The following SON variants were observed in gnomAD, a reference collection of about 807,000 sequenced individuals.
SON encodes the protein SON DNA and RNA binding protein.
SON carries 4 observed loss-of-function variants against 173.3 expected under a neutral mutation model. The observed-to-expected ratio is 0.02, with a 90% confidence interval of 0.01 to 0.05. The LOEUF is 0.05. Ranked by LOEUF, SON falls within the 10% of genes least tolerant of loss-of-function variation. SON has a pLI of 1.00. For missense variants in SON, 2,626 were observed against 3,055.3 expected (o/e 0.86, Z 3.31); for synonymous variants, 1,190 against 1,105.9 (o/e 1.08, Z -1.51).
chr21:33,553,721 C>T lies in SON; in HGVS notation c.4490C>T (p.Ala1497Val). The change falls in exon 3 of 12, where the codon GCT (alanine) becomes GTT (valine). Residue 1497 changes from alanine (A) to valine (V), a missense_variant. Physicochemically the swap from Ala to Val is moderately conservative, Grantham distance 64. Around this residue, in one of 13 missense-constraint regions of SON, gnomAD observed 1,006 missense variants for 895.6 expected, o/e 1.12. Coordinates refer to ENST00000356577, the MANE Select transcript of SON (RefSeq NM_138927.4). Reference sequence around the variant, plus strand: ...CTATCCTCTGGTGATCAAAATCTTGCTCCAGAGATTGGCATGCAGGAGATT... The same window carrying T: ...CTATCCTCTGGTGATCAAAATCTTGTTCCAGAGATTGGCATGCAGGAGATT... ...INLSSGDQNL[A>V]PEIGMQEIAL... is the part of the protein sequence containing the mutation. The T allele has an allele frequency of 2.5e-6, 4 of 1,613,960 alleles. No homozygotes were observed. Among genetic ancestry groups the T allele is most frequent in the Middle Eastern group, 1.6e-4 (1 of 6,062 alleles).
At chr21:33,567,998 C>T (rs2086207573) in intron 7 of SON, among the ~76,000 whole-genome samples, 1 of 152,186 alleles carries the variant, frequency 6.6e-6, no homozygotes, top group South Asian at 2.1e-4. Flanking sequence ...CAATCTGAAT[C>T]TGGAGTCTGT....
intron 6 of SON, among the ~76,000 whole-genome samples, chr21:33,562,361 A>T (rs1402663104): frequency 1.3e-5 from 2 of 152,200 alleles, no homozygotes; most frequent in Non-Finnish European, 2.9e-5. Context: ...CAACCTTTGA[A>T]CTGAATAGTA....
At position 33,573,166 on chromosome 21, in the gene SON, A is replaced by G. The variant is rs939541560; in HGVS notation, c.6886-142A>G. 1.3e-5 allele frequency: 8 copies of G among 639,100 alleles called. No individual in the cohort carries two copies. The Admixed American group carries it at 2.1e-4, about 17-fold the overall frequency. The allele number at this position is 639,100 out of a possible 1,614,324, so 39.6% of individuals were successfully genotyped here. ...AGAACATACACACTACAGTATGTATAAAGTATAGAGGAATTTACATTTAAT... is the reference window on the plus strand; with the variant it reads ...AGAACATACACACTACAGTATGTATGAAGTATAGAGGAATTTACATTTAAT... On this transcript the variant is annotated intron_variant, in intron 8 of 11. Coordinates refer to ENST00000356577, the MANE Select transcript of SON (RefSeq NM_138927.4).
At chr21:33,571,662 A>T (rs2086287932) in intron 8 of SON, 1 of 152,658 alleles carries the variant, frequency 6.6e-6, no homozygotes, top group Non-Finnish European at 1.5e-5. Flanking sequence ...AAAGAAACAG[A>T]TGATGATACT....
chr21:33,552,748 C>A lies in SON; in HGVS notation c.3517C>A (p.Pro1173Thr), dbSNP rs570700083. The change falls in exon 3 of 12, where the codon CCT becomes ACT. Residue 1173 changes from proline (P) to threonine (T), a missense_variant. By Grantham distance (38) the Pro-to-Thr change is conservative. Coordinates refer to ENST00000356577, the MANE Select transcript of SON (RefSeq NM_138927.4). The surrounding 1 kb of genome is among the most constrained non-coding windows in gnomAD (Gnocchi z 5.6). ...GCCACCAATGACACCACCATTGCCT[C>A]CTGAGGAACCACCAGAGGGTCCAGC... ...EEPPMTPPLP[P>T]EEPPEGPALP... 1.2e-6 allele frequency: 2 copies of A among 1,613,952 alleles called. No homozygotes were observed. The highest frequency in any genetic ancestry group is 2.7e-5 in the African/African-American group (2 of 75,034).
At chr21:33,557,012 CCTTTTTTTTTTT>C in intron 3 of SON, 132 bp from the exon 4 acceptor site, 1 of 659,556 alleles carries the variant, frequency 1.5e-6, no homozygotes, top group Non-Finnish European at 2.3e-6. Context: ...ATAGTTTTTT[CCTTTTTTTTTTT>C]CTTTTTTGTT....
chr21:33,573,243 C>T, intron 8 of SON, 65 bp from the exon 9 acceptor site: 1 of 1,330,036 alleles, frequency 7.5e-7, no homozygotes, highest in Non-Finnish European at 1.1e-6. Context: ...AGAAAGTAAA[C>T]AATGAATCTG....
chr21:33,567,186 A>G lies in SON; in HGVS notation c.6687A>G (p.Glu2229=). ...TGGACATCTCTACAGCAATGAGTGA[A>G]CGGGCACTTGCTCAGAAAAGACTCA... is the stretch of plus-strand genomic sequence containing the variant. ...EPVDISTAMS[E]RALAQKRLSE... The change falls in exon 7 of 12, where the codon GAA becomes GAG. Residue 2229 remains glutamate, a synonymous_variant. Coordinates refer to ENST00000356577, the MANE Select transcript of SON (RefSeq NM_138927.4). 3.1e-6 allele frequency: 5 copies of G among 1,609,662 alleles called. No homozygotes were observed. The highest frequency in any genetic ancestry group is 4.3e-6 in the Non-Finnish European group (5 of 1,176,348).
At chr21:33,558,748 T>C (rs1489719324) in intron 4 of SON, 4 of 152,344 alleles carry the variant, frequency 2.6e-5, no homozygotes, top group Admixed American at 2.6e-4. Context: ...GGCTTAGAAC[T>C]CTTCAAGGAA....
At position 33,551,149 on chromosome 21, in the gene SON, G is replaced by C; in HGVS notation, c.1918G>C (p.Glu640Gln). 1 of 1,613,624 alleles carries C rather than the reference G, an allele frequency of 6.2e-7. No individual in the cohort carries two copies. Among genetic ancestry groups the C allele is most frequent in the Non-Finnish European group, 8.5e-7 (1 of 1,179,634 alleles). Residue 640 changes from glutamate (E) to glutamine (Q), a missense_variant, in exon 3 of 12, where the codon GAG (glutamate) becomes CAG (glutamine). Glu to Gln is a conservative substitution (Grantham distance 29, BLOSUM62 2). Coordinates refer to ENST00000356577, the MANE Select transcript of SON (RefSeq NM_138927.4). ...GTTGCCAGGGCAGCCTGGGGCGCCA[G>C]AGTTGCCTGGGCAGCCTGTGGCAAC... ...LELPGQPGAP[E>Q]LPGQPVATVA...
rs1380434882 is a variant in SON, at chr21:33,577,186, A to AG, written c.*764dup. The AG allele has an allele frequency of 4.1e-3, 2 of 482 alleles. No individual in the cohort carries two copies. The highest frequency in any genetic ancestry group is 7.9e-3 in the Non-Finnish European group (2 of 252). 0.0% of individuals were successfully genotyped at this position (482 alleles called of 1,614,324 possible). A position where few individuals can be genotyped will look rare whatever the true frequency, so the allele number is the denominator to read the frequency against. On this transcript the variant is annotated 3_prime_UTR_variant, in exon 12 of 12. Transcript: ENST00000356577. ...AAGTCTGACTAGAATTCTATTGCAG[A>AG]GGCCAGTACATTTAGTATGGCATTG...
rs779849896 is a variant in SON at position 33,553,240 on chromosome 21, C to T, written c.4009C>T (p.Pro1337Ser). The T allele has an allele frequency of 1.2e-6, 2 of 1,614,160 alleles. No homozygotes were observed. Among genetic ancestry groups the T allele is most frequent in the Non-Finnish European group, 1.7e-6 (2 of 1,180,026 alleles). Residue 1337 changes from proline (P) to serine (S), a missense_variant, in exon 3 of 12, where the codon CCA (proline) becomes TCA (serine). Transcript: ENST00000356577. ...TSLLVPAVTT[P>S]VLAESILEPP... ...CTTGTTGGTTCCAGCAGTAACTACT[C>T]CAGTGCTGGCAGAGAGCATTCTGGA...
Position 33,551,564 on chromosome 21 carries a change from C to G in SON, c.2333C>G (p.Thr778Ser). Residue 778 changes from threonine (T) to serine (S), a missense_variant, in exon 3 of 12, where the codon ACT (threonine) becomes AGT (serine). This residue lies in a region of SON where 182 missense variants were observed against 193.6 expected (regional missense o/e 0.94). Transcript: ENST00000356577. ...TCCATGGACTCCCAGATGTTAGCAA[C>G]TAGCTCCATGGACTCCCAGATGTTA... The part of the protein sequence containing the change: ...TSSMDSQMLA[T>S]SSMDSQMLAT... 1.2e-6 allele frequency: 2 copies of G among 1,613,842 alleles called. No homozygotes were observed. Among genetic ancestry groups the G allele is most frequent in the Non-Finnish European group, 1.7e-6 (2 of 1,179,990 alleles).
Position 33,569,978 on chromosome 21 carries a change from C to T in SON, c.6885+891C>T, listed in dbSNP as rs2086249398. 1.9e-5 allele frequency: 3 copies of T among 156,222 alleles called. No homozygotes were observed. The South Asian group carries it at 5.3e-4, about 27-fold the overall frequency. The allele number at this position is 156,222 out of a possible 1,614,324, so 9.7% of individuals were successfully genotyped here. ...TCTGCAGTGAGACCTGTGAACTCCA[C>T]CTACGGCTGCCTCATCATTGGGGGA... is the stretch of plus-strand genomic sequence containing the variant. On this transcript the variant is annotated intron_variant, in intron 8 of 11. Coordinates refer to ENST00000356577, the MANE Select transcript of SON (RefSeq NM_138927.4).
In SON at chr21:33,549,607, GA is replaced by G. The variant is rs778418096; in HGVS notation, c.384del (p.Lys128AsnfsTer21). ...AAAGAAGAAAAAGAAGAAAGAAAAG[GA>G]AAAAAAATATAAAAGACAGCCAGAA... The part of the protein sequence containing the change: ...NKKKKKKKEK[E>X]KKYKRQPEES... On this transcript the variant is annotated frameshift_variant, in exon 3 of 12. Transcript: ENST00000356577. LOFTEE classifies it high-confidence loss of function. 13 of 1,594,176 alleles carry G rather than the reference GA, an allele frequency of 8.2e-6. No homozygotes were observed. Among genetic ancestry groups the G allele is most frequent in the South Asian group, 2.3e-5 (2 of 85,632 alleles).
At chr21:33,556,787 G>A (rs2085975851) in intron 3 of SON, among the ~76,000 whole-genome samples, 1 of 151,816 alleles carries the variant, frequency 6.6e-6, no homozygotes. Flanking sequence ...GGAGAGTAAG[G>A]TCATGATAAT....
At position 33,550,762 on chromosome 21, in the gene SON, A is replaced by C; in HGVS notation, c.1531A>C (p.Thr511Pro). 1 of 1,614,160 alleles carries C rather than the reference A, an allele frequency of 6.2e-7. No homozygotes were observed. The highest frequency in any genetic ancestry group is 8.5e-7 in the Non-Finnish European group (1 of 1,180,030). The change falls in exon 3 of 12, where the codon ACA (threonine) becomes CCA (proline). Residue 511 changes from threonine to proline, a missense_variant. Thr to Pro is a conservative substitution (Grantham distance 38). Transcript: ENST00000356577. ...MELTEQPVTT[T>P]ELEQPVGMTT... ...GTTGACCGAACAACCTGTGACGACGACAGAGTTGGAGCAGCCTGTGGGGAT... is the reference window on the plus strand; with the variant it reads ...GTTGACCGAACAACCTGTGACGACGCCAGAGTTGGAGCAGCCTGTGGGGAT...
At position 33,550,283 on chromosome 21, in the gene SON, C is replaced by G. The variant is rs760410035; in HGVS notation, c.1052C>G (p.Ala351Gly). ...EQPVDVPSEI[A>G]DSSMTRPQEL... ...CCTGTAGACGTACCATCGGAGATTG[C>G]AGATTCATCCATGACAAGACCGCAG... The change falls in exon 3 of 12, where the codon GCA becomes GGA. Residue 351 changes from alanine to glycine, a missense_variant. Physicochemically the swap from Ala to Gly is moderately conservative, Grantham distance 60 (BLOSUM62 0). Coordinates refer to ENST00000356577, the MANE Select transcript of SON (RefSeq NM_138927.4). 2.0e-5 allele frequency: 33 copies of G among 1,613,876 alleles called. No individual in the cohort carries two copies. The highest frequency in any genetic ancestry group is 1.3e-4 in the African/African-American group (10 of 74,854).
Position 33,554,266 on chromosome 21 carries a change from A to G in SON, c.5035A>G (p.Thr1679Ala). ...PSNNNLVSKD[T>A]EEPLPVKESD... ...TAATAATAACCTTGTTAGTAAGGAT[A>G]CAGAAGAACCATTACCTGTAAAAGA... The change falls in exon 3 of 12, where the codon ACA (threonine) becomes GCA (alanine). Residue 1679 changes from threonine (T) to alanine (A), a missense_variant. By Grantham distance (58) the Thr-to-Ala change is moderately conservative (BLOSUM62 0). Coordinates refer to ENST00000356577, the MANE Select transcript of SON (RefSeq NM_138927.4). 2 of 1,614,168 alleles carry G rather than the reference A, an allele frequency of 1.2e-6. No individual in the cohort carries two copies. Among genetic ancestry groups the G allele is most frequent in the Non-Finnish European group, 1.7e-6 (2 of 1,179,982 alleles).
Sources: gnomAD v4.1 joint callset for allele counts (sites outside exome capture counted in the v4.1 genomes callset) on GRCh38, gnomAD v4.1.1 for gene constraint, gnomAD v4.1.1 regional missense constraint, Gnocchi (gnomAD v3.1) non-coding constraint, MANE v1.5 for transcripts, NCBI Gene and HGNC (gene_info 2026-07-23, HGNC 2026-07-21) for gene names.